The following LRTM3 variants were observed in gnomAD, a reference collection of about 807,000 sequenced individuals.
LRTM3 encodes leucine-rich repeat transmembrane protein 3.
the LRTM3 span, chr13:102,735,833 C>T: frequency 5.6e-5 from 86 of 1,541,554 alleles, no homozygotes; most frequent in East Asian, 1.9e-3. Flanking sequence ...TCTAGTGTCA[C>T]AATTCAGGTA....
the LRTM3 span, chr13:102,744,411 G>A: frequency 6.5e-7 from 1 of 1,549,732 alleles, no homozygotes; most frequent in Non-Finnish European, 8.7e-7. Context: ...TCATCCCAAG[G>A]GGTATCACGT....
At chr13:102,738,371 A>G in the LRTM3 span, 1 of 1,550,902 alleles carries the variant, frequency 6.4e-7, no homozygotes, top group African/African-American at 1.4e-5. Flanking sequence ...TATTTCAGTG[A>G]CATACTCTGC....
chr13:102,747,284 A>G, the LRTM3 span: 1 of 1,549,266 alleles, frequency 6.5e-7, no homozygotes, highest in African/African-American at 1.4e-5. Context: ...AATAACATTC[A>G]GAAGCATACC....
At chr13:102,733,126 A>G in the LRTM3 span, 1 of 1,551,360 alleles carries the variant, frequency 6.4e-7, no homozygotes, top group Non-Finnish European at 8.7e-7. Flanking sequence ...TTCCACTTTG[A>G]AGGGGAAACT....
At chr13:102,746,743 T>C in the LRTM3 span, 1 of 1,551,084 alleles carries the variant, frequency 6.4e-7, no homozygotes, top group African/African-American at 1.4e-5. Flanking sequence ...TCTTTTCTTC[T>C]GCAAAACAGT....
chr13:102,733,818 T>C, the LRTM3 span: 2 of 1,551,310 alleles, frequency 1.3e-6, no homozygotes, highest in African/African-American at 1.4e-5. Context: ...AAGTTTGAGG[T>C]CAACTGTTGC....
At chr13:102,747,752 A>G in the LRTM3 span, 3 of 1,551,052 alleles carry the variant, frequency 1.9e-6, no homozygotes, top group Admixed American at 5.9e-5. Context: ...CACCTTCTCA[A>G]CTTGAAATGG....
the LRTM3 span, chr13:102,731,716 T>G: frequency 1.3e-6 from 2 of 1,551,306 alleles, no homozygotes; most frequent in African/African-American, 2.7e-5. Context: ...CTATTTTGAC[T>G]TCGCTACTTT....
At chr13:102,736,870 T>G in the LRTM3 span, 4 of 1,551,228 alleles carry the variant, frequency 2.6e-6, no homozygotes, top group Non-Finnish European at 3.5e-6. Flanking sequence ...TATATTTTAA[T>G]TTCCCTGTAT....
At chr13:102,729,408 A>G in the LRTM3 span, 1 of 1,368,470 alleles carries the variant, frequency 7.3e-7, no homozygotes, top group Non-Finnish European at 9.5e-7. Context: ...ATATCACAAT[A>G]GCGACCAGCT....
At chr13:102,749,623 G>A in the LRTM3 span, 1 of 1,551,362 alleles carries the variant, frequency 6.4e-7, no homozygotes. Context: ...GGGACTGGAA[G>A]GAGTCTTGTG....
the LRTM3 span, chr13:102,744,172 A>G: frequency 6.4e-7 from 1 of 1,550,588 alleles, no homozygotes; most frequent in South Asian, 1.2e-5. Flanking sequence ...TTTCTGTAGA[A>G]TATCTTATGA....
the LRTM3 span, chr13:102,745,644 A>G: frequency 1.9e-6 from 3 of 1,551,074 alleles, no homozygotes; most frequent in South Asian, 3.6e-5. Context: ...TTAGGTGTAG[A>G]TAAAGCAGGC....
chr13:102,758,061 T>G, the LRTM3 span, among the ~76,000 whole-genome samples: 1 of 152,234 alleles, frequency 6.6e-6, no homozygotes, highest in Non-Finnish European at 1.5e-5. Context: ...GCTCAGTGTT[T>G]GCTTGGTCCA....
At chr13:102,748,786 T>G in the LRTM3 span, 3 of 1,550,560 alleles carry the variant, frequency 1.9e-6, no homozygotes, top group Non-Finnish European at 2.6e-6. Context: ...GTGCTTTTAG[T>G]TGAACAGTGT....
the LRTM3 span, chr13:102,745,032 C>T: frequency 1.3e-6 from 2 of 1,550,814 alleles, no homozygotes; most frequent in East Asian, 2.4e-5. Context: ...CATATTGTGC[C>T]ATTTTGGGTC....
chr13:102,735,743 C>T, the LRTM3 span: 1 of 1,546,950 alleles, frequency 6.5e-7, no homozygotes, highest in Middle Eastern at 1.7e-4. Flanking sequence ...TGCTTTTTTG[C>T]CTGAATCTGA....
the LRTM3 span, chr13:102,738,816 G>A: frequency 6.5e-7 from 1 of 1,550,198 alleles, no homozygotes; most frequent in Admixed American, 2.0e-5. Context: ...TTATCTTCCT[G>A]AATCTTTCCT....
chr13:102,730,428 C>G, the LRTM3 span: 2 of 1,550,948 alleles, frequency 1.3e-6, no homozygotes, highest in Non-Finnish European at 8.7e-7. Flanking sequence ...CATGAAACAG[C>G]TGAACCAGTA....
Sources: allele counts gnomAD v4.1 joint callset (sites outside exome capture counted in the v4.1 genomes callset), GRCh38; gene constraint gnomAD v4.1.1; transcripts MANE v1.5; gene names NCBI Gene and HGNC (gene_info 2026-07-23, HGNC 2026-07-21).